Variants in LRP1B observed in about 807,000 individuals in gnomAD.
The protein encoded by LRP1B is low-density lipoprotein receptor-related protein 1B.
LRP1B carries 217 observed loss-of-function variants against 556.6 expected under a neutral mutation model. The ratio of observed to expected loss-of-function variants is 0.39; its 90% confidence interval spans 0.35 to 0.44. The LOEUF is 0.44. LRP1B is among the 20% of genes least tolerant of loss of function. LRP1B has a pLI of 1.00. For synonymous variants in LRP1B, 2,047 were observed against 1,865.8 expected (o/e 1.10, Z -2.50); for missense variants, 5,053 against 5,620.8 (o/e 0.90, Z 3.23).
At chr2:141,112,691 C>T (rs573096105) in intron 7 of LRP1B, among the ~76,000 whole-genome samples, 78 of 152,194 alleles carry the variant, frequency 5.1e-4, no homozygotes, top group African/African-American at 1.9e-3. Flanking sequence ...TGACCAGAAG[C>T]CTGCAAGAAC....
At chr2:140,565,288 T>C (rs1485042478) in intron 43 of LRP1B, among the ~76,000 whole-genome samples, 1 of 129,848 alleles carries the variant, frequency 7.7e-6, no homozygotes, top group Non-Finnish European at 1.7e-5. Flanking sequence ...TATATCATTT[T>C]TTCTGAATTG....
chr2:141,597,206 C>T (rs896708279), intron 2 of LRP1B, among the ~76,000 whole-genome samples: 2 of 152,024 alleles, frequency 1.3e-5, no homozygotes, highest in African/African-American at 4.8e-5. Flanking sequence ...AAAATTCACA[C>T]ACGATAATAT....
intron 62 of LRP1B, among the ~76,000 whole-genome samples, chr2:140,455,647 G>A (rs2105320545): frequency 6.6e-6 from 1 of 152,238 alleles, no homozygotes; most frequent in East Asian, 1.9e-4. Flanking sequence ...AATCTAATCT[G>A]AAAGGCAAGC....
chr2:141,057,513 G>C (rs150934486), intron 9 of LRP1B, among the ~76,000 whole-genome samples: 14 of 151,870 alleles, frequency 9.2e-5, no homozygotes, highest in African/African-American at 2.9e-4. Flanking sequence ...TGTTGTTGGG[G>C]GGGACCCAGT....
chr2:140,541,726 G>T lies in LRP1B; in HGVS notation c.7387+53C>A, dbSNP rs2105019385. On this transcript the variant is annotated intron_variant, in intron 44 of 90. Transcript: ENST00000389484. ...ACTAGAAAACATATATACATTTTTA[G>T]AGATCAGAGATTATACAATGAAAAA... The T allele has an allele frequency of 3.8e-6, 5 of 1,308,864 alleles. No homozygotes were observed. The African/African-American group carries it at 4.4e-5, about 12-fold the overall frequency. 81.1% of individuals were successfully genotyped at this position (1,308,864 alleles called of 1,614,324 possible).
intron 11 of LRP1B, among the ~76,000 whole-genome samples, chr2:141,025,320 T>C (rs1181803752): frequency 1.3e-5 from 2 of 152,094 alleles, no homozygotes; most frequent in African/African-American, 4.8e-5. Context: ...CTATTGTTCT[T>C]ATGGGAATTC....
chr2:141,126,832 C>T (rs1701226359), intron 7 of LRP1B, among the ~76,000 whole-genome samples: 1 of 152,070 alleles, frequency 6.6e-6, no homozygotes, highest in Non-Finnish European at 1.5e-5. Flanking sequence ...AACAAGCCTC[C>T]AACCCCTAAT....
intron 43 of LRP1B, among the ~76,000 whole-genome samples, chr2:140,559,723 A>G (rs994582916): frequency 2.6e-5 from 4 of 151,796 alleles, no homozygotes; most frequent in Non-Finnish European, 5.9e-5. Context: ...GAATAAATAA[A>G]ATAAATTTCC....
chr2:140,605,957 T>A (rs1306251141), intron 41 of LRP1B, among the ~76,000 whole-genome samples: 2 of 151,996 alleles, frequency 1.3e-5, no homozygotes, highest in African/African-American at 4.8e-5. Context: ...ACATGTCCAC[T>A]TTTGCCTTTA....
At chr2:141,800,507 A>G (rs918714634) in intron 2 of LRP1B, among the ~76,000 whole-genome samples, 3 of 152,222 alleles carry the variant, frequency 2.0e-5, no homozygotes, top group Non-Finnish European at 2.9e-5. Context: ...GTGAGAAAAT[A>G]TATACACCCA....
Position 140,370,796 on chromosome 2 carries a change from T to C in LRP1B, c.10922A>G (p.Asn3641Ser), listed in dbSNP as rs1414031657. 6.2e-7 allele frequency: 1 copy of C among 1,612,762 alleles called. No individual in the cohort carries two copies. Among genetic ancestry groups the C allele is most frequent in the Admixed American group, 1.7e-5 (1 of 59,876 alleles). ...ECKEDQFRCKNKAHCIPIRWL... is the reference protein window; with the variant it reads ...ECKEDQFRCKSKAHCIPIRWL... ...TCTAATTGGAATACAGTGGGCTTTA[T>C]TTTTGCACCGAAACTGATCTTCCTT... Residue 3641 changes from asparagine to serine, a missense_variant, in exon 71 of 91, where the codon AAT becomes AGT. Asn to Ser is a conservative substitution (Grantham distance 46). Transcript: ENST00000389484.
intron 3 of LRP1B, among the ~76,000 whole-genome samples, chr2:141,463,670 A>T (rs1335531219): frequency 2.2e-5 from 3 of 137,848 alleles, no homozygotes; most frequent in African/African-American, 8.0e-5. Context: ...ATATATTAAA[A>T]TTATTTGCTA....
At chr2:140,417,756 A>G (rs1326093293) in intron 66 of LRP1B, among the ~76,000 whole-genome samples, 1 of 152,234 alleles carries the variant, frequency 6.6e-6, no homozygotes, top group East Asian at 1.9e-4. Context: ...TCACCTATAG[A>G]GAAATGTTGG....
Position 140,672,482 on chromosome 2 carries a change from T to TAAAAAAAAAAAAAAAAAAA in LRP1B, c.6799+27749_6799+27767dup, listed in dbSNP as rs55884730. Among the ~76,000 whole-genome samples, 12 of 81,572 alleles carry TAAAAAAAAAAAAAAAAAAA rather than the reference T, an allele frequency of 1.5e-4. No individual in the cohort carries two copies. In the South Asian group the frequency reaches 3.5e-3, roughly 24 times the overall value. 53.5% of individuals were successfully genotyped at this position (81,572 alleles called of 152,430 possible). A position where few individuals can be genotyped will look rare whatever the true frequency, so the allele number is the denominator to read the frequency against. ...CTGGGTGACAGAATGAGACTCCATC[T>TAAAAAAAAAAAAAAAAAAA]AAAAAAAAAAAAAAAAAAAAAAAAA... On this transcript the variant is annotated intron_variant, in intron 41 of 90. Coordinates refer to ENST00000389484, the MANE Select transcript of LRP1B (RefSeq NM_018557.3).
chr2:141,942,299 T>C (rs1367106385), intron 1 of LRP1B, among the ~76,000 whole-genome samples: 9 of 152,170 alleles, frequency 5.9e-5, no homozygotes, highest in African/African-American at 2.2e-4. Flanking sequence ...TAAATAGTTA[T>C]ATGGGTAATT....
chr2:140,776,615 G>A (rs904442282), intron 32 of LRP1B, among the ~76,000 whole-genome samples: 14 of 151,592 alleles, frequency 9.2e-5, no homozygotes, highest in Admixed American at 2.0e-4. Context: ...TGTACGATAC[G>A]TATTTGTAAA....
At chr2:140,371,133 C>G (rs376075929) in intron 70 of LRP1B, 46 bp downstream of exon 70, 14 of 1,274,966 alleles carry the variant, frequency 1.1e-5, no homozygotes, top group Non-Finnish European at 1.5e-5. Context: ...TTTGCCCAAA[C>G]CTAATTCATG....
At chr2:140,752,605 G>A (rs1340738097) in intron 35 of LRP1B, among the ~76,000 whole-genome samples, 1 of 152,120 alleles carries the variant, frequency 6.6e-6, no homozygotes, top group Admixed American at 6.5e-5. Context: ...GATGACAGGC[G>A]TGAGCCACCA....
chr2:140,776,487 T>C (rs1240448592), intron 32 of LRP1B, among the ~76,000 whole-genome samples: 1 of 148,426 alleles, frequency 6.7e-6, no homozygotes, highest in East Asian at 2.0e-4. Flanking sequence ...GAAAAGAATA[T>C]ATAATATTCT....
Sources: gnomAD v4.1 joint callset for allele counts (sites outside exome capture counted in the v4.1 genomes callset) on GRCh38, gnomAD v4.1.1 for gene constraint, MANE v1.5 for transcripts, NCBI Gene and HGNC (gene_info 2026-07-23, HGNC 2026-07-21) for gene names.